The following SGCZ variants were observed in gnomAD, a reference collection of about 807,000 sequenced individuals.
SGCZ encodes zeta-sarcoglycan.
In SGCZ, 40 loss-of-function variants were observed where a neutral mutation model predicts 41.3. The ratio of observed to expected loss-of-function variants is 0.97; its 90% CI spans 0.75 to 1.26. The LOEUF (loss-of-function observed/expected upper bound fraction) is 1.26, where lower values mean the gene tolerates loss of function less well. SGCZ is among the 50% of genes most tolerant of loss of function. SGCZ has a pLI of 0.00. For missense variants in SGCZ, 552 were observed against 369.8 expected, an observed-to-expected ratio of 1.49 and a Z score of -4.04; for synonymous variants, 206 against 137.5, an observed-to-expected ratio of 1.50 and a Z score of -3.49.
At chr8:14,652,281 C>T (rs7829893) in intron 1 of SGCZ, among the ~76,000 whole-genome samples, 28,902 of 125,718 alleles carry the variant, frequency 0.23, 3,576 homozygotes, top group Non-Finnish European at 0.3. Context: ...GTGGAGGTTG[C>T]GGTGAGCCAA....
At chr8:14,787,044 C>A (rs1800790407) in intron 1 of SGCZ, among the ~76,000 whole-genome samples, 1 of 152,102 alleles carries the variant, frequency 6.6e-6, no homozygotes, top group Non-Finnish European at 1.5e-5. Context: ...GCAGTAACAT[C>A]ATAATCTTGG....
intron 5 of SGCZ, among the ~76,000 whole-genome samples, chr8:14,134,359 G>T (rs1230287162): frequency 6.6e-6 from 1 of 152,126 alleles, no homozygotes; most frequent in East Asian, 1.9e-4. Context: ...GGGAAAGGCA[G>T]CCTAATGGCC....
chr8:14,535,375 A>G (rs1803262124), intron 2 of SGCZ, among the ~76,000 whole-genome samples: 1 of 151,924 alleles, frequency 6.6e-6, no homozygotes, highest in Non-Finnish European at 1.5e-5. Context: ...TGCATCTAAG[A>G]ATAACATTAG....
intron 1 of SGCZ, among the ~76,000 whole-genome samples, chr8:15,220,671 C>A (rs970506814): frequency 3.9e-5 from 6 of 151,998 alleles, no homozygotes; most frequent in African/African-American, 1.5e-4. Flanking sequence ...GGATATATAC[C>A]CAAAGGATTA....
At chr8:14,144,268 C>T (rs756617260) in intron 5 of SGCZ, among the ~76,000 whole-genome samples, 2 of 152,168 alleles carry the variant, frequency 1.3e-5, no homozygotes, top group Non-Finnish European at 2.9e-5. Context: ...ATACTTTGGA[C>T]ATCTTGGATA....
chr8:15,192,754 C>T (rs867017132), intron 1 of SGCZ, among the ~76,000 whole-genome samples: 2 of 152,196 alleles, frequency 1.3e-5, no homozygotes, highest in Middle Eastern at 6.8e-3. Flanking sequence ...TGCCCCATTG[C>T]CATTAATCTG....
rs142661705 is a variant in SGCZ, at chr8:15,102,222, A to T, written c.39+135363T>A. 3.5e-3 allele frequency among the ~76,000 whole-genome samples: 535 copies of T among 152,322 alleles called. 3 individuals are homozygous for T. In the Middle Eastern group the frequency reaches 0.037, roughly 11 times the overall value. ...CCATACAATTAAATATTTTTCAGTA[A>T]TAACAAATTAGCTTCCAAGCCATGG... On this transcript the variant is annotated intron_variant, in intron 1 of 7. Coordinates refer to ENST00000382080, the MANE Select transcript of SGCZ (RefSeq NM_139167.4).
intron 2 of SGCZ, among the ~76,000 whole-genome samples, chr8:14,398,136 A>T (rs1210266622): frequency 6.6e-6 from 1 of 152,118 alleles, no homozygotes; most frequent in East Asian, 1.9e-4. Flanking sequence ...CTGGAAAAAC[A>T]AAAGAGTGGA....
At chr8:14,328,441 C>A (rs1362222373) in intron 2 of SGCZ, among the ~76,000 whole-genome samples, 1 of 152,072 alleles carries the variant, frequency 6.6e-6, no homozygotes, top group East Asian at 1.9e-4. Context: ...TAACTAATCA[C>A]TTTGTGTCTT....
chr8:14,934,057 A>G (rs952902630), intron 1 of SGCZ, among the ~76,000 whole-genome samples: 6 of 152,052 alleles, frequency 3.9e-5, no homozygotes, highest in African/African-American at 1.5e-4. Flanking sequence ...CCAATAATTA[A>G]TAAGAATTCA....
chr8:14,551,615 TAC>T (rs1432872825), intron 2 of SGCZ, among the ~76,000 whole-genome samples: 11 of 32,332 alleles, frequency 3.4e-4, no homozygotes, highest in African/African-American at 6.0e-4. Context: ...ATTATATATA[TAC>T]ATAAAATATA....
chr8:15,125,307 T>C (rs111619897), intron 1 of SGCZ, among the ~76,000 whole-genome samples: 2 of 152,328 alleles, frequency 1.3e-5, no homozygotes, highest in African/African-American at 4.8e-5. Flanking sequence ...TCTACACTCA[T>C]CTACCCTTAT....
chr8:14,214,461 C>A (rs2117103326), intron 4 of SGCZ, among the ~76,000 whole-genome samples: 1 of 152,132 alleles, frequency 6.6e-6, no homozygotes, highest in Middle Eastern at 3.4e-3. Flanking sequence ...TCAATAGTGA[C>A]AAATGTACCA....
intron 2 of SGCZ, among the ~76,000 whole-genome samples, chr8:14,365,115 A>G (rs1006127368): frequency 1.3e-5 from 2 of 151,998 alleles, no homozygotes; most frequent in African/African-American, 4.8e-5. Context: ...CACTTTTGTC[A>G]TATATGTTAT....
rs1799181973 is a variant in SGCZ at position 15,151,616 on chromosome 8, A to G, written c.39+85969T>C. On this transcript the variant is annotated intron_variant, in intron 1 of 7. Coordinates refer to ENST00000382080, the MANE Select transcript of SGCZ (RefSeq NM_139167.4). The stretch of plus-strand genomic sequence containing the variant: ...TTCACAAAGAATGCATTATTTTTAA[A>G]GTAGAGAAATACTTCAAACTATTTT... 2.0e-5 allele frequency among the ~76,000 whole-genome samples: 3 copies of G among 152,352 alleles called. No homozygotes were observed. In the South Asian group the frequency reaches 6.2e-4, roughly 32 times the overall value.
intron 5 of SGCZ, among the ~76,000 whole-genome samples, chr8:14,126,829 T>C (rs1022723936): frequency 2.0e-5 from 3 of 152,144 alleles, no homozygotes; most frequent in Non-Finnish European, 4.4e-5. Context: ...ATCATGTCGT[T>C]TGCAGGGACA....
intron 2 of SGCZ, among the ~76,000 whole-genome samples, chr8:14,327,841 C>A (rs151285526): frequency 6.6e-6 from 1 of 152,110 alleles, no homozygotes; most frequent in Non-Finnish European, 1.5e-5. Flanking sequence ...AGTGCAGCGG[C>A]GCAATCTTGG....
chr8:14,694,962 T>G (rs543831488), intron 1 of SGCZ, among the ~76,000 whole-genome samples: 5 of 152,104 alleles, frequency 3.3e-5, no homozygotes, highest in Non-Finnish European at 7.4e-5. Context: ...ATCTCAAAAA[T>G]TTACCTTTCA....
chr8:14,431,044 T>C (rs894802961), intron 2 of SGCZ, among the ~76,000 whole-genome samples: 4 of 151,842 alleles, frequency 2.6e-5, no homozygotes. Context: ...ACATCATAGA[T>C]GTCACAAATT....
Sources: allele counts gnomAD v4.1 joint callset (sites outside exome capture counted in the v4.1 genomes callset), GRCh38; gene constraint gnomAD v4.1.1; transcripts MANE v1.5; gene names NCBI Gene and HGNC (gene_info 2026-07-23, HGNC 2026-07-21).